Variants in RIMS1 observed in about 807,000 individuals in gnomAD.
The protein encoded by RIMS1 is regulating synaptic membrane exocytosis protein 1.
A neutral mutation model predicts 214.1 loss-of-function variants in RIMS1; 83 were observed. The ratio of observed to expected loss-of-function variants is 0.39; its 90% confidence interval spans 0.32 to 0.47. The LOEUF is 0.47. RIMS1 is among the 20% of genes least tolerant of loss of function. RIMS1 has a pLI of 0.99. For missense variants in RIMS1, 2,050 were observed against 2,161.8 expected (o/e 0.95, Z 1.03); for synonymous variants, 793 against 786.8 (o/e 1.01, Z -0.13).
intron 4 of RIMS1, among the ~76,000 whole-genome samples, chr6:72,162,878 T>G (rs1349384337): frequency 7.2e-6 from 1 of 139,432 alleles, no homozygotes; most frequent in Non-Finnish European, 1.6e-5. Flanking sequence ...GGAGTTGCTC[T>G]TCTCGAGGAG....
intron 29 of RIMS1, among the ~76,000 whole-genome samples, chr6:72,347,209 T>C (rs1375642953): frequency 6.6e-6 from 1 of 151,894 alleles, no homozygotes; most frequent in Non-Finnish European, 1.5e-5. Flanking sequence ...CTGGCTTAGC[T>C]GTTTACATAA....
At chr6:72,316,976 A>T in intron 28 of RIMS1, 1 of 540,446 alleles carries the variant, frequency 1.9e-6, no homozygotes, top group Non-Finnish European at 3.6e-6. Flanking sequence ...GAGAGGGTCG[A>T]GGGCCCAGTG....
intron 19 of RIMS1, chr6:72,263,898 G>A: frequency 2.8e-6 from 1 of 351,318 alleles, no homozygotes; most frequent in Non-Finnish European, 4.0e-6. Context: ...GAGGCTGAGA[G>A]AGGAGATTTG....
intron 2 of RIMS1, among the ~76,000 whole-genome samples, chr6:72,046,763 G>C (rs1823174963): frequency 6.6e-6 from 1 of 151,946 alleles, no homozygotes; most frequent in Non-Finnish European, 1.5e-5. Context: ...TTAAATATTT[G>C]TTTCAAGCCA....
chr6:72,261,050 C>T (rs41265495), intron 19 of RIMS1: 17,782 of 1,232,694 alleles, frequency 0.014, 137 homozygotes, highest in Non-Finnish European at 0.016. Context: ...CCAGTTTCTG[C>T]AATTAAAATT....
chr6:72,265,479 G>T lies in RIMS1; in HGVS notation c.3284G>T (p.Arg1095Ile), dbSNP rs1218761664. 2 of 1,583,402 alleles carry T rather than the reference G, an allele frequency of 1.3e-6. No homozygotes were observed. The change falls in exon 21 of 34, where the codon AGA (arginine) becomes ATA (isoleucine). Residue 1095 changes from arginine to isoleucine, a missense_variant. Around this residue, in one of 6 missense-constraint regions of RIMS1, gnomAD observed 889 missense variants for 885.5 expected, o/e 1.00. Transcript: ENST00000521978. ...GAATGCTTTAACTCAACAGTATTGAGATTTACTGATGAAATACTGGTTAGG... is the reference window on the plus strand; with the variant it reads ...GAATGCTTTAACTCAACAGTATTGATATTTACTGATGAAATACTGGTTAGG... ...HHECFNSTVL[R>I]FTDEILVSEL...
At chr6:71,907,928 G>A (rs930306951) in intron 1 of RIMS1, among the ~76,000 whole-genome samples, 2 of 152,134 alleles carry the variant, frequency 1.3e-5, no homozygotes, top group African/African-American at 4.8e-5. Context: ...AAAAGGATTT[G>A]GGTAACCCTG....
intron 1 of RIMS1, among the ~76,000 whole-genome samples, chr6:71,953,431 A>T (rs1322185277): frequency 6.6e-6 from 1 of 152,208 alleles, no homozygotes. Context: ...GCATAGCTAA[A>T]CTTGGTAACA....
intron 6 of RIMS1, among the ~76,000 whole-genome samples, chr6:72,223,808 C>T (rs796679426): frequency 5.9e-5 from 9 of 151,892 alleles, no homozygotes; most frequent in African/African-American, 1.4e-4. Flanking sequence ...ATTAGCCAGG[C>T]GTGGTGGTGG....
chr6:72,032,274 T>TA (rs1162699479), intron 2 of RIMS1, among the ~76,000 whole-genome samples: 1 of 152,212 alleles, frequency 6.6e-6, no homozygotes, highest in East Asian at 1.9e-4. Context: ...GGACTAAAAA[T>TA]ACAGCAAGAA....
At chr6:72,121,199 G>T (rs570046151) in intron 4 of RIMS1, among the ~76,000 whole-genome samples, 8 of 151,944 alleles carry the variant, frequency 5.3e-5, no homozygotes, top group South Asian at 2.1e-4. Flanking sequence ...GAAAATCATT[G>T]GTAGCTTGAT....
At chr6:72,301,486 T>C (rs1005981101) in intron 26 of RIMS1, among the ~76,000 whole-genome samples, 2 of 151,632 alleles carry the variant, frequency 1.3e-5, no homozygotes, top group Non-Finnish European at 1.5e-5. Context: ...TAACCAACCA[T>C]GGATCAAAAA....
At chr6:72,008,678 C>T (rs1322911489) in intron 2 of RIMS1, among the ~76,000 whole-genome samples, 1 of 151,998 alleles carries the variant, frequency 6.6e-6, no homozygotes, top group Non-Finnish European at 1.5e-5. Flanking sequence ...GCAATCCTAG[C>T]CTCTAATAAA....
intron 1 of RIMS1, among the ~76,000 whole-genome samples, chr6:71,968,091 A>C (rs1389815765): frequency 1.3e-5 from 2 of 152,214 alleles, no homozygotes; most frequent in Admixed American, 1.3e-4. Flanking sequence ...CTGTTTAGCA[A>C]AGACTAAGAT....
intron 1 of RIMS1, among the ~76,000 whole-genome samples, chr6:71,945,279 A>G (rs4706497): frequency 0.061 from 9,224 of 152,218 alleles, 411 homozygotes; most frequent in East Asian, 0.18. Flanking sequence ...GGGGAAAAAA[A>G]GAGATATTGA....
At chr6:72,241,545 T>A (rs1451272081) in intron 9 of RIMS1, among the ~76,000 whole-genome samples, 2 of 152,180 alleles carry the variant, frequency 1.3e-5, no homozygotes, top group Non-Finnish European at 2.9e-5. Flanking sequence ...ATCTTTTAAC[T>A]CCCCTTGATT....
At chr6:72,313,430 A>C in intron 27 of RIMS1, 76 bp from the exon 28 acceptor site, 2 of 1,311,404 alleles carry the variant, frequency 1.5e-6, no homozygotes, top group Non-Finnish European at 2.2e-6. Flanking sequence ...TGGGCTAAGT[A>C]GTCATTCATC....
At chr6:71,899,820 A>G (rs1773053141) in intron 1 of RIMS1, among the ~76,000 whole-genome samples, 1 of 152,126 alleles carries the variant, frequency 6.6e-6, no homozygotes, top group Non-Finnish European at 1.5e-5. Context: ...GACTGGCCAA[A>G]TACTAATGAG....
chr6:72,104,569 C>G (rs530087528), intron 4 of RIMS1, among the ~76,000 whole-genome samples: 41 of 152,234 alleles, frequency 2.7e-4, no homozygotes, highest in African/African-American at 9.4e-4. Flanking sequence ...GGGACTGATA[C>G]TGTAGTCTTT....
Sources: allele counts gnomAD v4.1 joint callset (sites outside exome capture counted in the v4.1 genomes callset), GRCh38; gene constraint gnomAD v4.1.1; regional missense constraint gnomAD v4.1.1; transcripts MANE v1.5; gene names NCBI Gene and HGNC (gene_info 2026-07-23, HGNC 2026-07-21).